Variants in SLC17A1 observed in about 807,000 individuals in gnomAD.
The protein encoded by SLC17A1 is solute carrier family 17 member 1, also known as sodium-dependent phosphate transport protein 1.
A neutral mutation model predicts 53.5 loss-of-function variants in SLC17A1; 51 were observed. That is an observed-to-expected ratio of 0.95 (90% CI 0.76 to 1.20). SLC17A1 has a LOEUF of 1.20. SLC17A1 is among the 50% of genes most tolerant of loss of function. The probability of loss-of-function intolerance (pLI) is 0.00; values close to 1 mark genes in which losing one functional copy is unlikely to be tolerated. For synonymous variants in SLC17A1, 179 were observed against 198.8 expected (o/e 0.90, Z 0.84); for missense variants, 538 against 568.2 (o/e 0.95, Z 0.54).
chr6:25,745,038 T>A, the SLC17A1 span, among the ~76,000 whole-genome samples: 41,256 of 151,896 alleles, frequency 0.27, 6,803 homozygotes, highest in East Asian at 0.7. Flanking sequence ...CATAACCAAC[T>A]TTTATGTCAG....
At chr6:25,831,582 A>G (rs1233077593) in intron 1 of SLC17A1, among the ~76,000 whole-genome samples, 1 of 152,136 alleles carries the variant, frequency 6.6e-6, no homozygotes, top group Non-Finnish European at 1.5e-5. Context: ...ACACATAGCA[A>G]ACCAAACATA....
the SLC17A1 span, chr6:25,770,546 G>A: frequency 7.8e-7 from 1 of 1,288,218 alleles, no homozygotes; most frequent in Non-Finnish European, 1.1e-6. Flanking sequence ...ACAGAACCAA[G>A]ATCTTATATA....
At chr6:25,828,758 T>C (rs12200962) in intron 2 of SLC17A1, among the ~76,000 whole-genome samples, 25,439 of 152,108 alleles carry the variant, frequency 0.17, 2,758 homozygotes, top group Non-Finnish European at 0.21. Flanking sequence ...TCTTATAGAA[T>C]CGTTTGAACT....
At chr6:25,780,518 G>A (rs1003319006), downstream of SLC17A1, 1 of 152,220 alleles carries the variant, frequency 6.6e-6, no homozygotes, top group African/African-American at 2.4e-5. Context: ...AAAGTTTCAT[G>A]GCAGGAGGGA....
chr6:25,803,188 C>G (rs1314433770), intron 10 of SLC17A1, among the ~76,000 whole-genome samples: 1 of 152,000 alleles, frequency 6.6e-6, no homozygotes, highest in African/African-American at 2.4e-5. Flanking sequence ...CCGCCTGCCT[C>G]AACCTCCCAA....
chr6:25,826,655 C>A, intron 2 of SLC17A1, 22 bp from the exon 3 acceptor site: 5 of 1,528,544 alleles, frequency 3.3e-6, no homozygotes, highest in Non-Finnish European at 4.4e-6. Flanking sequence ...AACAGAAAGT[C>A]GCAATTGCTG....
At chr6:25,727,602 G>A in the SLC17A1 span, among the ~76,000 whole-genome samples, 2 of 151,750 alleles carry the variant, frequency 1.3e-5, no homozygotes, top group Non-Finnish European at 2.9e-5. Context: ...ATGTTGGCCA[G>A]GATGGTCTCA....
At chr6:25,822,495 ATTC>A in intron 3 of SLC17A1, among the ~76,000 whole-genome samples, 1 of 152,294 alleles carries the variant, frequency 6.6e-6, no homozygotes, top group South Asian at 2.1e-4. Context: ...ATAATTATGT[ATTC>A]TATTTCTTCA....
the SLC17A1 span, among the ~76,000 whole-genome samples, chr6:25,774,858 G>A: frequency 6.6e-6 from 1 of 152,240 alleles, no homozygotes; most frequent in Non-Finnish European, 1.5e-5. Flanking sequence ...AACCTTGACA[G>A]CCTCGGCTTA....
At chr6:25,729,555 G>C in the SLC17A1 span, among the ~76,000 whole-genome samples, 1 of 152,214 alleles carries the variant, frequency 6.6e-6, no homozygotes, top group South Asian at 2.1e-4. Context: ...TGCTGCCTGA[G>C]TCATTCACCT....
At chr6:25,777,527 A>G in the SLC17A1 span, 2 of 164,794 alleles carry the variant, frequency 1.2e-5, no homozygotes, top group African/African-American at 4.8e-5. Context: ...CACGGAGGGT[A>G]TAAAAGTTAC....
At position 25,800,872 on chromosome 6, in the gene SLC17A1, C is replaced by T. The variant is rs757218059; in HGVS notation, c.1269+18G>A. The stretch of plus-strand genomic sequence containing the variant: ...AATTAATATTGGAAAAATAACTACA[C>T]ATCTGTATGTTTCTTACCTGCTTAA... On this transcript the variant is annotated intron_variant, in intron 11 of 12. Coordinates refer to ENST00000244527, the MANE Select transcript of SLC17A1 (RefSeq NM_005074.5). 8 of 1,444,590 alleles carry T rather than the reference C, an allele frequency of 5.5e-6. No homozygotes were observed. The African/African-American group carries it at 8.4e-5, about 15-fold the overall frequency. 89.5% of individuals were successfully genotyped at this position (1,444,590 alleles called of 1,614,324 possible).
chr6:25,804,555 G>T, intron 10 of SLC17A1, among the ~76,000 whole-genome samples: 1 of 151,866 alleles, frequency 6.6e-6, no homozygotes, highest in East Asian at 1.9e-4. Context: ...GAAAGTGAAT[G>T]GTCTAAATGC....
At chr6:25,775,041 T>C in the SLC17A1 span, among the ~76,000 whole-genome samples, 1 of 152,138 alleles carries the variant, frequency 6.6e-6, no homozygotes, top group Non-Finnish European at 1.5e-5. Context: ...TATTGAAACA[T>C]AGAGTGGGTC....
At chr6:25,750,957 A>G in the SLC17A1 span, among the ~76,000 whole-genome samples, 2 of 152,192 alleles carry the variant, frequency 1.3e-5, no homozygotes, top group African/African-American at 4.8e-5. Flanking sequence ...TAGGGGAATT[A>G]CTCATGGCAT....
intron 10 of SLC17A1, among the ~76,000 whole-genome samples, chr6:25,808,088 G>A (rs1764021174): frequency 6.6e-6 from 1 of 152,140 alleles, no homozygotes; most frequent in Admixed American, 6.6e-5. Context: ...CACCAACAGT[G>A]TAAAGGTGTT....
chr6:25,808,904 T>C (rs1337388592), intron 10 of SLC17A1, among the ~76,000 whole-genome samples: 1 of 152,084 alleles, frequency 6.6e-6, no homozygotes, highest in Non-Finnish European at 1.5e-5. Flanking sequence ...TTACTGGGTG[T>C]CTACTCAAAG....
At chr6:25,724,883 G>T in the SLC17A1 span, among the ~76,000 whole-genome samples, 1 of 11,204 alleles carries the variant, frequency 8.9e-5, no homozygotes, top group South Asian at 3.5e-3. Flanking sequence ...TATGTATGCA[G>T]GTTAATTCAT....
the SLC17A1 span, among the ~76,000 whole-genome samples, chr6:25,756,739 A>G: frequency 6.6e-6 from 1 of 152,224 alleles, no homozygotes. Flanking sequence ...TCAGTCATGC[A>G]GGAGATGGAG....
Sources: allele counts gnomAD v4.1 joint callset (sites outside exome capture counted in the v4.1 genomes callset), GRCh38; gene constraint gnomAD v4.1.1; transcripts MANE v1.5; gene names NCBI Gene and HGNC (gene_info 2026-07-23, HGNC 2026-07-21).